The following EDN1 variants were observed in gnomAD, a reference collection of about 807,000 sequenced individuals.
EDN1 encodes endothelin 1.
Under a neutral mutation model 21.7 loss-of-function variants are expected in EDN1, and 11 were observed. That is an observed-to-expected ratio of 0.51 (90% CI 0.32 to 0.84). The LOEUF (loss-of-function observed/expected upper bound fraction) is 0.84, where lower values mean the gene tolerates loss of function less well. Among genes scored for constraint, EDN1 ranks in the 40% least tolerant of loss-of-function variants. The pLI is 0.03. For synonymous variants in EDN1, 85 were observed against 90.6 expected (o/e 0.94, Z 0.35); for missense variants, 244 against 262.3 (o/e 0.93, Z 0.48).
the EDN1 span, among the ~76,000 whole-genome samples, chr6:12,273,604 CT>C: frequency 1.5e-3 from 126 of 83,342 alleles, no homozygotes; most frequent in African/African-American, 2.8e-3. Flanking sequence ...GTAGGCAGGA[CT>C]TTTTTTTTTT....
At chr6:12,249,901 T>C in the EDN1 span, among the ~76,000 whole-genome samples, 16 of 152,184 alleles carry the variant, frequency 1.1e-4, no homozygotes, top group South Asian at 4.1e-4. Flanking sequence ...CACCAGAGAC[T>C]GCCAGAACCA....
chr6:12,292,456 T>TAA lies in EDN1; in HGVS notation c.182_183dup (p.Glu62LysfsTer100). 6.2e-7 allele frequency: 1 copy of TAA among 1,614,190 alleles called. No homozygotes were observed. The highest frequency in any genetic ancestry group is 8.5e-7 in the Non-Finnish European group (1 of 1,180,038). ...GCTGCTCCTGCTCGTCCCTGATGGATAAAGAGTGTGTCTACTTCTGCCACC... is the reference window on the plus strand; with the variant it reads ...GCTGCTCCTGCTCGTCCCTGATGGATAAAAAGAGTGTGTCTACTTCTGCCACC... On this transcript the variant is annotated frameshift_variant, in exon 2 of 5. Transcript: ENST00000379375. LOFTEE classifies it high-confidence loss of function.
the EDN1 span, among the ~76,000 whole-genome samples, chr6:12,238,351 T>A: frequency 1.3e-5 from 2 of 151,866 alleles, no homozygotes; most frequent in Non-Finnish European, 2.9e-5. Flanking sequence ...CCCAGTGGAG[T>A]CATTTCTCAA....
the EDN1 span, among the ~76,000 whole-genome samples, chr6:12,232,776 T>G: frequency 6.6e-6 from 1 of 152,226 alleles, no homozygotes; most frequent in African/African-American, 2.4e-5. Flanking sequence ...CGGTAGCTGT[T>G]GTGATTCATG....
At chr6:12,291,101 C>T (rs1762669199) in intron 1 of EDN1, among the ~76,000 whole-genome samples, 1 of 151,978 alleles carries the variant, frequency 6.6e-6, no homozygotes, top group African/African-American at 2.4e-5. Context: ...AGTGTGTTAA[C>T]GTGTAAAATA....
rs766837121 is a variant in EDN1, at chr6:12,296,105, G to A, written c.*38G>A. 1.8e-5 allele frequency: 29 copies of A among 1,579,054 alleles called. No individual in the cohort carries two copies. Among genetic ancestry groups the A allele is most frequent in the Admixed American group, 8.3e-5 (5 of 59,892 alleles). ...GCCTGTCTGAAGCCATAGCCTCCAC[G>A]GAGAGCCCTGTGGCCGACTCTGCAC... On this transcript the variant is annotated 3_prime_UTR_variant, in exon 5 of 5. Coordinates refer to ENST00000379375, the MANE Select transcript of EDN1 (RefSeq NM_001955.5).
chr6:12,270,878 T>C, the EDN1 span, among the ~76,000 whole-genome samples: 1 of 152,362 alleles, frequency 6.6e-6, no homozygotes, highest in East Asian at 1.9e-4. Context: ...GGTGTTGAAG[T>C]CCTCTACTAT....
the EDN1 span, among the ~76,000 whole-genome samples, chr6:12,248,963 C>T: frequency 1.3e-5 from 2 of 152,188 alleles, no homozygotes; most frequent in African/African-American, 4.8e-5. Context: ...TGATCCTCAA[C>T]CTCTAATTTT....
At chr6:12,273,532 A>G in the EDN1 span, among the ~76,000 whole-genome samples, 3 of 151,812 alleles carry the variant, frequency 2.0e-5, no homozygotes, top group Non-Finnish European at 2.9e-5. Context: ...TACCAAATTC[A>G]GCAATTTTTT....
Position 12,296,012 on chromosome 6 carries a change from T to C in EDN1, c.584T>C (p.Leu195Pro). The change falls in exon 5 of 5, where the codon CTG becomes CCG. Residue 195 changes from leucine to proline, a missense_variant. Leu to Pro is a moderately conservative substitution (Grantham distance 98). Transcript: ENST00000379375. ...AAATCATCTTTTCATGATCCCAAGC[T>C]GAAAGGCAAGCCCTCCAGAGAGCGT... ...SVKSSFHDPK[L>P]KGKPSRERYV... 3.7e-6 allele frequency: 6 copies of C among 1,614,092 alleles called. No homozygotes were observed. The highest frequency in any genetic ancestry group is 4.2e-6 in the Non-Finnish European group (5 of 1,180,006).
the EDN1 span, among the ~76,000 whole-genome samples, chr6:12,256,795 T>C: frequency 6.6e-6 from 1 of 152,244 alleles, no homozygotes; most frequent in Non-Finnish European, 1.5e-5. Context: ...TAGAATTGTT[T>C]GCATACTAGT....
chr6:12,263,071 G>A, the EDN1 span, among the ~76,000 whole-genome samples: 1 of 152,140 alleles, frequency 6.6e-6, no homozygotes, highest in Admixed American at 6.5e-5. Context: ...ACACATAACT[G>A]TGAAGACAGC....
Position 12,296,090 on chromosome 6 carries a change from A to T in EDN1, c.*23A>T. On this transcript the variant is annotated 3_prime_UTR_variant, in exon 5 of 5. Transcript: ENST00000379375. ...TGACAGACCTTCGGGGCCTGTCTGA[A>T]GCCATAGCCTCCACGGAGAGCCCTG... 6.2e-7 allele frequency: 1 copy of T among 1,605,720 alleles called. No individual in the cohort carries two copies. Among genetic ancestry groups the T allele is most frequent in the Non-Finnish European group, 8.5e-7 (1 of 1,172,590 alleles).
the EDN1 span, among the ~76,000 whole-genome samples, chr6:12,247,565 G>T: frequency 4.6e-4 from 51 of 111,270 alleles, 2 homozygotes; most frequent in East Asian, 0.013. Flanking sequence ...TTTGGAGACA[G>T]TCTCACTCCT....
chr6:12,281,945 G>C, the EDN1 span, among the ~76,000 whole-genome samples: 1 of 152,026 alleles, frequency 6.6e-6, no homozygotes, highest in Non-Finnish European at 1.5e-5. Flanking sequence ...AGTGAGTATA[G>C]ATTAGATTAA....
Position 12,290,547 on chromosome 6 carries a change from G to T in EDN1, c.-83G>T. The stretch of plus-strand genomic sequence containing the variant: ...CTTTGAGATCTGAGGAACCCGCAGC[G>T]CTTTGAGGGACCTGAAGCTGTTTTT... On this transcript the variant is annotated 5_prime_UTR_variant, in exon 1 of 5. Coordinates refer to ENST00000379375, the MANE Select transcript of EDN1 (RefSeq NM_001955.5). 8.6e-7 allele frequency: 1 copy of T among 1,162,826 alleles called. No individual in the cohort carries two copies. The allele number at this position is 1,162,826 out of a possible 1,614,324, so 72.0% of individuals were successfully genotyped here. A position where few individuals can be genotyped will look rare whatever the true frequency, so the allele number is the denominator to read the frequency against.
chr6:12,290,718 G>C, intron 1 of EDN1, 25 bp downstream of exon 1: 1 of 1,594,388 alleles, frequency 6.3e-7, no homozygotes, highest in Non-Finnish European at 8.6e-7. Context: ...TGACTTGTAA[G>C]TCTCGGAATT....
the EDN1 span, among the ~76,000 whole-genome samples, chr6:12,246,724 G>A: frequency 6.6e-6 from 1 of 151,984 alleles, no homozygotes; most frequent in East Asian, 1.9e-4. Flanking sequence ...CCTTTGGGAT[G>A]AAAAGTGATG....
Position 12,296,139 on chromosome 6 carries a change from C to A in EDN1, c.*72C>A. The A allele has an allele frequency of 7.3e-7, 1 of 1,369,224 alleles. No individual in the cohort carries two copies. The highest frequency in any genetic ancestry group is 1.0e-6 in the Non-Finnish European group (1 of 958,524). 84.8% of individuals were successfully genotyped at this position (1,369,224 alleles called of 1,614,324 possible). A position where few individuals can be genotyped will look rare whatever the true frequency, so the allele number is the denominator to read the frequency against. On this transcript the variant is annotated 3_prime_UTR_variant, in exon 5 of 5. Coordinates refer to ENST00000379375, the MANE Select transcript of EDN1 (RefSeq NM_001955.5). ...TGTGGCCGACTCTGCACTCTCCACC[C>A]TGGCTGGGATCAGAGCAGGAGCATC... is the stretch of plus-strand genomic sequence containing the variant.
Sources: gnomAD v4.1 joint callset for allele counts (sites outside exome capture counted in the v4.1 genomes callset) on GRCh38, gnomAD v4.1.1 for gene constraint, MANE v1.5 for transcripts, NCBI Gene and HGNC (gene_info 2026-07-23, HGNC 2026-07-21) for gene names.